MYRF: variants seen among roughly 807,000 people sequenced by gnomAD.
The protein encoded by MYRF is myelin regulatory factor.
MYRF carries 16 observed loss-of-function variants against 126.3 expected under a neutral mutation model. That is an observed-to-expected ratio of 0.13 (90% CI 0.09 to 0.19). The LOEUF is 0.19. Ranked by LOEUF, MYRF falls within the 10% of genes least tolerant of loss-of-function variation. The pLI, the probability that MYRF is intolerant of heterozygous loss-of-function variation, is 1.00. For synonymous variants in MYRF, 608 were observed against 635.3 expected (o/e 0.96, Z 0.65); for missense variants, 1,104 against 1,547.0 (o/e 0.71, Z 4.80).
rs1403886254 is a variant in MYRF at position 61,778,898 on chromosome 11, C to T, written c.2014-365C>T. 1.8e-6 allele frequency: 1 copy of T among 564,166 alleles called. No individual in the cohort carries two copies. Among genetic ancestry groups the T allele is most frequent in the South Asian group, 1.5e-5 (1 of 65,550 alleles). The allele number at this position is 564,166 out of a possible 1,614,324, so 34.9% of individuals were successfully genotyped here. ...AAGGAGGCATGTAATAGGTCTCCAC[C>T]CCAGCTGAATAGTGAAGTGCTGACA... On this transcript the variant is annotated intron_variant, in intron 14 of 26. Transcript: ENST00000278836. The surrounding 1 kb of genome is among the most constrained non-coding windows in gnomAD (Gnocchi z 4.6).
In MYRF at chr11:61,786,431, T is replaced by C. The variant is rs950901859; in HGVS notation, c.*288T>C. 3 of 456,998 alleles carry C rather than the reference T, an allele frequency of 6.6e-6. No homozygotes were observed. Among genetic ancestry groups the C allele is most frequent in the Non-Finnish European group, 1.2e-5 (3 of 249,516 alleles). The allele number at this position is 456,998 out of a possible 1,614,324, so 28.3% of individuals were successfully genotyped here. The stretch of plus-strand genomic sequence containing the variant: ...GTTTACCTCTTTCCAGATATGGTGG[T>C]TGGAGGGCTGGTTCAGGTGCCCTGG... On this transcript the variant is annotated 3_prime_UTR_variant, in exon 27 of 27. Coordinates refer to ENST00000278836, the MANE Select transcript of MYRF (RefSeq NM_001127392.3). The surrounding 1 kb of genome is among the most constrained non-coding windows in gnomAD (Gnocchi z 4.5).
intron 2 of MYRF, 30 bp downstream of exon 2, chr11:61,765,742 C>G (rs189577262): frequency 4.3e-4 from 683 of 1,589,048 alleles, no homozygotes; most frequent in Middle Eastern, 2.4e-3. Context: ...GGCCTGCACC[C>G]GCCCAGCCCC....
At chr11:61,766,469 C>A in intron 3 of MYRF, 1 of 477,414 alleles carries the variant, frequency 2.1e-6, no homozygotes, top group Non-Finnish European at 3.7e-6. Flanking sequence ...GACGTAAGTG[C>A]TAGAAAAATC....
Position 61,783,685 on chromosome 11 carries a change from TC to T in MYRF, c.3119+86del. The T allele has an allele frequency of 7.0e-7, 1 of 1,425,294 alleles. No individual in the cohort carries two copies. Among genetic ancestry groups the T allele is most frequent in the East Asian group, 2.3e-5 (1 of 43,576 alleles). The allele number at this position is 1,425,294 out of a possible 1,614,324, so 88.3% of individuals were successfully genotyped here. A position where few individuals can be genotyped will look rare whatever the true frequency, so the allele number is the denominator to read the frequency against. ...TACAGATCACCCGGAACTTGCCCTT[TC>T]AGGGAGGAGCCTCCCCCATAAGGAA... On this transcript the variant is annotated intron_variant, in intron 23 of 26. Transcript: ENST00000278836. The surrounding 1 kb of genome is among the most constrained non-coding windows in gnomAD (Gnocchi z 4.6).
intron 1 of MYRF, among the ~76,000 whole-genome samples, chr11:61,762,414 G>GC (rs1313050560): frequency 1.3e-5 from 2 of 152,220 alleles, no homozygotes; most frequent in African/African-American, 4.8e-5. Context: ...GCAGCCTCTG[G>GC]CGGGCCCGGC....
chr11:61,780,353 G>A (rs1225986414), intron 18 of MYRF, 63 bp downstream of exon 18: 1 of 1,411,126 alleles, frequency 7.1e-7, no homozygotes, highest in Non-Finnish European at 9.9e-7. Context: ...GCAGTCCCAG[G>A]TCAGAGAGCC....
chr11:61,777,709 C>A lies in MYRF; in HGVS notation c.1792-25C>A, dbSNP rs1213876059. ...CTCCGGGACGGCCGCAGGAGGGGTT[C>A]ATTCCCGGGCCTGGCTCCCCGCAGG... On this transcript the variant is annotated intron_variant, in intron 12 of 26. Coordinates refer to ENST00000278836, the MANE Select transcript of MYRF (RefSeq NM_001127392.3). The surrounding 1 kb of genome is among the most constrained non-coding windows in gnomAD (Gnocchi z 8.8). 1.2e-5 allele frequency: 18 copies of A among 1,545,492 alleles called. No individual in the cohort carries two copies. The East Asian group carries it at 4.4e-4, about 38-fold the overall frequency.
In MYRF at chr11:61,757,794, C is replaced by G. The variant is rs1187377571; in HGVS notation, c.46+5004C>G. On this transcript the variant is annotated intron_variant, in intron 1 of 26. Coordinates refer to ENST00000278836, the MANE Select transcript of MYRF (RefSeq NM_001127392.3). This position sits in a 1 kb window ranked among gnomAD's most constrained non-coding sequence, Gnocchi z 4.7. ...GCAGTGGAAGCGTGGGTGACGGCCTCCCATTTCTGAGGGGGACTGTGAGGC... is the reference window on the plus strand; with the variant it reads ...GCAGTGGAAGCGTGGGTGACGGCCTGCCATTTCTGAGGGGGACTGTGAGGC... The G allele has an allele frequency of 3.0e-6, 1 of 333,636 alleles. No homozygotes were observed. The highest frequency in any genetic ancestry group is 6.0e-6 in the Non-Finnish European group (1 of 167,688). The allele number at this position is 333,636 out of a possible 1,614,324, so 20.7% of individuals were successfully genotyped here.
At chr11:61,774,921 A>C (rs2066334056) in intron 8 of MYRF, among the ~76,000 whole-genome samples, 1 of 151,736 alleles carries the variant, frequency 6.6e-6, no homozygotes, top group African/African-American at 2.4e-5. Flanking sequence ...CAGGTCCCAA[A>C]CTAAACTCCC....
intron 6 of MYRF, 27 bp from the exon 7 acceptor site, chr11:61,771,802 G>A (rs867045070): frequency 1.2e-6 from 2 of 1,613,918 alleles, no homozygotes; most frequent in Non-Finnish European, 1.7e-6. Flanking sequence ...AAGGTGCAGG[G>A]CCCACATGGG....
intron 26 of MYRF, 55 bp downstream of exon 26, chr11:61,785,929 T>C: frequency 1.3e-6 from 2 of 1,582,610 alleles, no homozygotes; most frequent in Admixed American, 1.7e-5. Flanking sequence ...GTCTGCGACG[T>C]GGGGCTTGAG....
Position 61,774,230 on chromosome 11 carries a change from A to G in MYRF, c.1311+68A>G, listed in dbSNP as rs2066310519. 2.8e-6 allele frequency: 4 copies of G among 1,421,280 alleles called. No homozygotes were observed. In the South Asian group the frequency reaches 4.0e-5, roughly 14 times the overall value. The allele number at this position is 1,421,280 out of a possible 1,614,324, so 88.0% of individuals were successfully genotyped here. On this transcript the variant is annotated intron_variant, in intron 8 of 26. Coordinates refer to ENST00000278836, the MANE Select transcript of MYRF (RefSeq NM_001127392.3). ...TTTGGGGGCACTGAAAGACCCCAGAAAAAGCAAGCGTTGGCTGGATGCTGT... is the reference window on the plus strand; with the variant it reads ...TTTGGGGGCACTGAAAGACCCCAGAGAAAGCAAGCGTTGGCTGGATGCTGT...
At chr11:61,779,197 G>A in intron 14 of MYRF, 66 bp from the exon 15 acceptor site, 4 of 1,478,978 alleles carry the variant, frequency 2.7e-6, no homozygotes, top group Non-Finnish European at 3.6e-6. Context: ...CTGGCAGCCT[G>A]GGGCTCCCGG....
In MYRF at chr11:61,765,609, C is replaced by A; in HGVS notation, c.47-16C>A. On this transcript the variant is annotated splice_polypyrimidine_tract_variant and intron_variant, in intron 1 of 26. Transcript: ENST00000278836. The stretch of plus-strand genomic sequence containing the variant: ...GAGCTGGGCCTCTTCCCTAGCCCAT[C>A]TCTCCTGCCCTGCAGGCCACGACAT... 1 of 1,606,562 alleles carries A rather than the reference C, an allele frequency of 6.2e-7. No individual in the cohort carries two copies. Among genetic ancestry groups the A allele is most frequent in the Non-Finnish European group, 8.5e-7 (1 of 1,176,142 alleles).
In MYRF at chr11:61,776,099, C is replaced by T. The variant is rs2066374357; in HGVS notation, c.1355C>T (p.Ser452Leu). Residue 452 changes from serine to leucine, a missense_variant, in exon 9 of 27, where the codon TCA becomes TTA. Transcript: ENST00000278836. The surrounding 1 kb of genome is among the most constrained non-coding windows in gnomAD (Gnocchi z 4.3). ...NQSINIEQSQ[S>L]DRSKRPFNPV... Reference sequence around the variant, plus strand: ...TCCATTAACATCGAGCAGTCCCAGTCAGACCGGAGCAAGCGGCCCTTCAAC... The same window carrying T: ...TCCATTAACATCGAGCAGTCCCAGTTAGACCGGAGCAAGCGGCCCTTCAAC... The T allele has an allele frequency of 6.2e-7, 1 of 1,613,956 alleles. No homozygotes were observed.
intron 15 of MYRF, 37 bp from the exon 16 acceptor site, chr11:61,779,461 C>T: frequency 6.5e-7 from 1 of 1,545,682 alleles, no homozygotes; most frequent in Non-Finnish European, 8.7e-7. Context: ...GACCCTTCTT[C>T]CCAGGGACAC....
chr11:61,777,889 A>T lies in MYRF; in HGVS notation c.1903+44A>T. On this transcript the variant is annotated intron_variant, in intron 13 of 26. Transcript: ENST00000278836. The surrounding 1 kb of genome is among the most constrained non-coding windows in gnomAD (Gnocchi z 8.8). ...CGGACTGGGGTCCGGAAACCCAGAAACCTCGGGCCTCAGTGACCTTGCCCC... is the reference window on the plus strand; with the variant it reads ...CGGACTGGGGTCCGGAAACCCAGAATCCTCGGGCCTCAGTGACCTTGCCCC... 2.7e-6 allele frequency: 4 copies of T among 1,479,318 alleles called. No homozygotes were observed. The highest frequency in any genetic ancestry group is 3.7e-6 in the Non-Finnish European group (4 of 1,084,030). The allele number at this position is 1,479,318 out of a possible 1,614,324, so 91.6% of individuals were successfully genotyped here. A position where few individuals can be genotyped will look rare whatever the true frequency, so the allele number is the denominator to read the frequency against.
intron 25 of MYRF, 100 bp downstream of exon 25, chr11:61,784,485 ATAGAG>A (rs2066641269): frequency 9.3e-6 from 9 of 968,910 alleles, no homozygotes; most frequent in Non-Finnish European, 1.4e-5. Context: ...GCTGGGAGTT[ATAGAG>A]TAAAGCCTTC....
chr11:61,777,178 G>C lies in MYRF; in HGVS notation c.1591-86G>C. ...AGAAACCCTGGCTGGAAGGGGAGGG[G>C]CTGCTGTGGAGTTTCCCCCTGCTCC... is the stretch of plus-strand genomic sequence containing the variant. On this transcript the variant is annotated intron_variant, in intron 11 of 26. Transcript: ENST00000278836. This position sits in a 1 kb window ranked among gnomAD's most constrained non-coding sequence, Gnocchi z 8.8. The C allele has an allele frequency of 1.4e-6, 2 of 1,382,118 alleles. No individual in the cohort carries two copies. The highest frequency in any genetic ancestry group is 2.5e-5 in the South Asian group (2 of 81,376). The allele number at this position is 1,382,118 out of a possible 1,614,324, so 85.6% of individuals were successfully genotyped here.
Sources: allele counts gnomAD v4.1 joint callset (sites outside exome capture counted in the v4.1 genomes callset), GRCh38; gene constraint gnomAD v4.1.1; non-coding constraint Gnocchi (gnomAD v3.1); transcripts MANE v1.5; gene names NCBI Gene and HGNC (gene_info 2026-07-23, HGNC 2026-07-21).